The following ATP8A1 variants were observed in gnomAD, a reference collection of about 807,000 sequenced individuals.
The protein encoded by ATP8A1 is phospholipid-transporting ATPase IA.
ATP8A1 carries 90 observed loss-of-function variants against 177.7 expected under a neutral mutation model. The ratio of observed to expected loss-of-function variants is 0.51; its 90% CI spans 0.43 to 0.60. The LOEUF (loss-of-function observed/expected upper bound fraction) is 0.60, where lower values mean the gene tolerates loss of function less well. Ranked by LOEUF, ATP8A1 falls within the 20% of genes least tolerant of loss-of-function variation. The pLI is 0.00. For synonymous variants in ATP8A1, 493 were observed against 485.9 expected, an observed-to-expected ratio of 1.01 and a Z score of -0.19; for missense variants, 1,072 against 1,392.8, an observed-to-expected ratio of 0.77 and a Z score of 3.67.
rs1553871738 is a variant in ATP8A1 at position 42,435,461 on chromosome 4, A to AAAAAAAAC, written c.3123+8103_3123+8104insGTTTTTTT. Among the ~76,000 whole-genome samples, 392 of 122,230 alleles carry AAAAAAAAC rather than the reference A, an allele frequency of 3.2e-3. 21 individuals are homozygous for AAAAAAAAC. Among genetic ancestry groups the AAAAAAAAC allele is most frequent in the Non-Finnish European group, 4.9e-3 (277 of 56,404 alleles). 80.2% of individuals were successfully genotyped at this position (122,230 alleles called of 152,430 possible). On this transcript the variant is annotated intron_variant, in intron 33 of 36. Transcript: ENST00000381668. ...AAAAAAAAAAAAAACAAAAAAAAAAAAACAAACTATCTCCAGTTATGAGCT... is the reference window on the plus strand; with the variant it reads ...AAAAAAAAAAAAAACAAAAAAAAAAAAAAAAAACAACAAACTATCTCCAGTTATGAGCT...
At position 42,420,894 on chromosome 4, in the gene ATP8A1, G is replaced by A. The variant is rs916204914; in HGVS notation, c.3305+1913C>T. Among the ~76,000 whole-genome samples, 103 of 151,130 alleles carry A rather than the reference G, an allele frequency of 6.8e-4. 1 individual carries two copies. The highest frequency in any genetic ancestry group is 2.5e-3 in the African/African-American group (101 of 41,128). On this transcript the variant is annotated intron_variant, in intron 35 of 36. Transcript: ENST00000381668. ...CGCCATTCTCCTGCCTCAGCCTCCC[G>A]AGTAGCTGGGACTACAGGCGCCCGC... is the stretch of plus-strand genomic sequence containing the variant.
intron 19 of ATP8A1, among the ~76,000 whole-genome samples, chr4:42,548,429 G>T (rs1198176325): frequency 6.6e-6 from 1 of 152,122 alleles, no homozygotes; most frequent in Non-Finnish European, 1.5e-5. Context: ...TTGATACACA[G>T]TATTTGTACA....
intron 1 of ATP8A1, among the ~76,000 whole-genome samples, chr4:42,636,942 G>T (rs1258396149): frequency 6.6e-6 from 1 of 152,162 alleles, no homozygotes; most frequent in African/African-American, 2.4e-5. Context: ...CTTTCTCTAA[G>T]CGTTTCATGT....
In ATP8A1 at chr4:42,639,252, T is replaced by C. The variant is rs551867917; in HGVS notation, c.50-12143A>G. On this transcript the variant is annotated intron_variant, in intron 1 of 36. Coordinates refer to ENST00000381668, the MANE Select transcript of ATP8A1 (RefSeq NM_006095.2). ...GATCACAGGAAAGGTTGAAAATAGATAGGTTCACATGTTCAACAGTGAATA... is the reference window on the plus strand; with the variant it reads ...GATCACAGGAAAGGTTGAAAATAGACAGGTTCACATGTTCAACAGTGAATA... Among the ~76,000 whole-genome samples the C allele has an allele frequency of 5.3e-5, 8 of 152,158 alleles. No individual in the cohort carries two copies. In the East Asian group the frequency reaches 9.7e-4, roughly 18 times the overall value.
intron 1 of ATP8A1, among the ~76,000 whole-genome samples, chr4:42,643,950 T>G (rs1211110767): frequency 6.6e-6 from 1 of 152,152 alleles, no homozygotes; most frequent in African/African-American, 2.4e-5. Context: ...TAAAGATAGC[T>G]TCAAGCGTAG....
At chr4:42,586,104 A>T (rs1733585692) in intron 9 of ATP8A1, among the ~76,000 whole-genome samples, 2 of 152,206 alleles carry the variant, frequency 1.3e-5, no homozygotes, top group Admixed American at 1.3e-4. Flanking sequence ...AGCTGGGAAT[A>T]TCTCTGAAAA....
At chr4:42,522,641 CA>C (rs1277106051) in intron 21 of ATP8A1, among the ~76,000 whole-genome samples, 1 of 152,178 alleles carries the variant, frequency 6.6e-6, no homozygotes, top group East Asian at 1.9e-4. Flanking sequence ...ACGGCTTATA[CA>C]TGTTTCATCA....
At chr4:42,599,024 C>T (rs1446259881) in intron 6 of ATP8A1, among the ~76,000 whole-genome samples, 1 of 152,034 alleles carries the variant, frequency 6.6e-6, no homozygotes, top group African/African-American at 2.4e-5. Context: ...GTAATCCTGG[C>T]TGGTGATTTG....
chr4:42,497,938 T>C (rs1230140016), intron 24 of ATP8A1, among the ~76,000 whole-genome samples: 2 of 152,190 alleles, frequency 1.3e-5, no homozygotes, highest in Non-Finnish European at 2.9e-5. Context: ...AAAAATATCT[T>C]TGCTTCTGAT....
chr4:42,458,193 TA>T (rs148439846), intron 27 of ATP8A1, among the ~76,000 whole-genome samples: 6,257 of 152,188 alleles, frequency 0.041, 431 homozygotes, highest in African/African-American at 0.14. Context: ...CCGTGCAAAA[TA>T]AAACAACATC....
chr4:42,523,687 T>G (rs891760073), intron 21 of ATP8A1, among the ~76,000 whole-genome samples: 6 of 152,072 alleles, frequency 3.9e-5, no homozygotes, highest in African/African-American at 9.7e-5. Context: ...ACATCACATC[T>G]AGAGAGGAGA....
chr4:42,517,066 C>G (rs1306626648), intron 22 of ATP8A1, among the ~76,000 whole-genome samples: 1 of 151,586 alleles, frequency 6.6e-6, no homozygotes, highest in Non-Finnish European at 1.5e-5. Flanking sequence ...TTTGGGAGGC[C>G]AAGGGGGGGT....
At chr4:42,523,793 C>G (rs1726390356) in intron 21 of ATP8A1, among the ~76,000 whole-genome samples, 1 of 152,190 alleles carries the variant, frequency 6.6e-6, no homozygotes, top group Admixed American at 6.5e-5. Context: ...TTTATGGAAT[C>G]TGAATCCTAT....
intron 14 of ATP8A1, among the ~76,000 whole-genome samples, chr4:42,570,162 AG>A (rs1731761460): frequency 1.3e-5 from 2 of 152,192 alleles, no homozygotes; most frequent in South Asian, 4.1e-4. Context: ...CATCATTCCA[AG>A]GCACCTCTTC....
chr4:42,656,095 C>T (rs1030063325), intron 1 of ATP8A1, among the ~76,000 whole-genome samples: 1 of 152,168 alleles, frequency 6.6e-6, no homozygotes, highest in African/African-American at 2.4e-5. Context: ...TCTGGGCCCT[C>T]GGAAAGCTTA....
At chr4:42,621,938 C>T (rs1161649898) in intron 4 of ATP8A1, among the ~76,000 whole-genome samples, 1 of 152,168 alleles carries the variant, frequency 6.6e-6, no homozygotes, top group Non-Finnish European at 1.5e-5. Flanking sequence ...ACACCTACAA[C>T]CATCTGATCT....
At chr4:42,472,401 C>G in intron 25 of ATP8A1, 1 of 246,460 alleles carries the variant, frequency 4.1e-6, no homozygotes, top group Non-Finnish European at 7.8e-6. Context: ...CTAGTAAATT[C>G]ACAGTTAAAA....
chr4:42,555,162 C>A (rs1476825945), intron 16 of ATP8A1, among the ~76,000 whole-genome samples: 1 of 136,912 alleles, frequency 7.3e-6, no homozygotes, highest in Non-Finnish European at 1.5e-5. Context: ...ATCTATCTAT[C>A]TATCTATCTA....
chr4:42,452,870 T>C (rs1434679897), intron 29 of ATP8A1, among the ~76,000 whole-genome samples: 1 of 152,214 alleles, frequency 6.6e-6, no homozygotes, highest in Non-Finnish European at 1.5e-5. Context: ...AAAACTGGCA[T>C]GTATTAATAG....
Sources: allele counts gnomAD v4.1 joint callset (sites outside exome capture counted in the v4.1 genomes callset), GRCh38; gene constraint gnomAD v4.1.1; transcripts MANE v1.5; gene names NCBI Gene and HGNC (gene_info 2026-07-23, HGNC 2026-07-21).